Variants in GAD1 observed in about 807,000 individuals in gnomAD.
The protein encoded by GAD1 is 67 kDa glutamic acid decarboxylase.
In GAD1, 35 loss-of-function variants were observed where a neutral mutation model predicts 75.2. The ratio of observed to expected loss-of-function variants is 0.47; its 90% CI spans 0.36 to 0.62. GAD1 has a LOEUF of 0.62. GAD1 is among the 20% of genes least tolerant of loss of function. The pLI, the probability that GAD1 is intolerant of heterozygous loss-of-function variation, is 0.00. For missense variants in GAD1, 490 were observed against 758.5 expected, an observed-to-expected ratio of 0.65 and a Z score of 4.16; for synonymous variants, 257 against 271.9, an observed-to-expected ratio of 0.95 and a Z score of 0.54.
At chr2:170,819,648 TA>T (rs904396432) in intron 2 of GAD1, among the ~76,000 whole-genome samples, 12 of 151,376 alleles carry the variant, frequency 7.9e-5, no homozygotes, top group African/African-American at 2.7e-4. Flanking sequence ...CCCACCCCCC[TA>T]AAAAAACTTA....
At chr2:170,838,889 G>A (rs1477695226) in intron 6 of GAD1, among the ~76,000 whole-genome samples, 2 of 152,210 alleles carry the variant, frequency 1.3e-5, no homozygotes, top group African/African-American at 4.8e-5. Flanking sequence ...AAATATGACC[G>A]ATTCCAACAG....
At chr2:170,859,663 G>T in intron 16 of GAD1, 46 bp from the exon 17 acceptor site, 2 of 1,583,936 alleles carry the variant, frequency 1.3e-6, no homozygotes, top group South Asian at 2.2e-5. Flanking sequence ...AAAAGAGAGG[G>T]TGTTCATATC....
chr2:170,820,046 C>T (rs1321469109), intron 2 of GAD1, among the ~76,000 whole-genome samples: 1 of 152,192 alleles, frequency 6.6e-6, no homozygotes, highest in East Asian at 1.9e-4. Context: ...CAGGCACCGG[C>T]GTTGGAGCTG....
upstream of GAD1, among the ~76,000 whole-genome samples, chr2:170,814,026 G>T (rs191657021): frequency 9.2e-5 from 14 of 152,292 alleles, no homozygotes; most frequent in African/African-American, 3.4e-4. Context: ...CCTCATCACC[G>T]GTTCGAGTCC....
intron 10 of GAD1, among the ~76,000 whole-genome samples, chr2:170,846,333 A>G (rs753631760): frequency 6.2e-4 from 94 of 152,218 alleles, no homozygotes; most frequent in Non-Finnish European, 1.8e-4. Context: ...TCTTCAATAA[A>G]TCAAATCCCT....
At position 170,818,198 on chromosome 2, in the gene GAD1, C is replaced by A. The variant is rs1701762382; in HGVS notation, c.-63-331C>A. The A allele has an allele frequency of 2.9e-5, 8 of 279,256 alleles. No homozygotes were observed. In the South Asian group the frequency reaches 3.2e-4, roughly 11 times the overall value. 17.3% of individuals were successfully genotyped at this position (279,256 alleles called of 1,614,324 possible). On this transcript the variant is annotated intron_variant, in intron 1 of 16. Transcript: ENST00000358196. This position sits in a 1 kb window ranked among gnomAD's most constrained non-coding sequence, Gnocchi z 5.9. ...TGTGCTCCTAGCCTAGTCCCCCACA[C>A]CCTTGCGTCTTGTACTGGCCTTGGA... is the stretch of plus-strand genomic sequence containing the variant.
intron 2 of GAD1, among the ~76,000 whole-genome samples, chr2:170,820,117 A>G (rs1035482724): frequency 1.5e-4 from 22 of 150,336 alleles, no homozygotes; most frequent in African/African-American, 5.4e-4. Context: ...TTTCGCCTTG[A>G]TGGATTTCTT....
At chr2:170,844,179 C>G in intron 7 of GAD1, 22 bp downstream of exon 7, 1 of 1,276,514 alleles carries the variant, frequency 7.8e-7, no homozygotes, top group African/African-American at 1.5e-5. Flanking sequence ...TTCTCTTCCT[C>G]TTCTCAAGGT....
chr2:170,832,915 T>A (rs1407501495), intron 5 of GAD1, among the ~76,000 whole-genome samples: 3 of 152,334 alleles, frequency 2.0e-5, no homozygotes, highest in South Asian at 2.1e-4. Flanking sequence ...TAGAAACAGC[T>A]CAGACTGTGG....
rs776063994 is a variant in GAD1, at chr2:170,859,789, C to T, written c.1692C>T (p.Asn564=). ...VGYQPQGDKA[N]FFRMVISNPA... Reference sequence around the variant, plus strand: ...ACCAGCCCCAAGGGGACAAGGCCAACTTCTTCCGGATGGTCATCTCCAACC... The same window carrying T: ...ACCAGCCCCAAGGGGACAAGGCCAATTTCTTCCGGATGGTCATCTCCAACC... Residue 564 remains asparagine (N), a synonymous_variant, in exon 17 of 17, where the codon AAC becomes AAT. Transcript: ENST00000358196. The T allele has an allele frequency of 6.2e-7, 1 of 1,614,210 alleles. No individual in the cohort carries two copies. Among genetic ancestry groups the T allele is most frequent in the South Asian group, 1.1e-5 (1 of 91,082 alleles).
Position 170,853,663 on chromosome 2 carries a change from T to C in GAD1, c.1264-210T>C. On this transcript the variant is annotated intron_variant, in intron 13 of 16. Transcript: ENST00000358196. This position sits in a 1 kb window ranked among gnomAD's most constrained non-coding sequence, Gnocchi z 4.1. ...GGCATCTGAGACGGAAAGATCATCT[T>C]CTAATCAGAGAGTCAGAGACAAAAG... 1.8e-6 allele frequency: 1 copy of C among 562,554 alleles called. No homozygotes were observed. Among genetic ancestry groups the C allele is most frequent in the South Asian group, 1.9e-5 (1 of 52,108 alleles). The allele number at this position is 562,554 out of a possible 1,614,324, so 34.8% of individuals were successfully genotyped here. A position where few individuals can be genotyped will look rare whatever the true frequency, so the allele number is the denominator to read the frequency against.
chr2:170,829,665 G>A, intron 4 of GAD1, 32 bp downstream of exon 4: 1 of 1,606,402 alleles, frequency 6.2e-7, no homozygotes, highest in South Asian at 1.1e-5. Context: ...CCCCATGCTA[G>A]CCAGTAGATT....
intron 3 of GAD1, among the ~76,000 whole-genome samples, chr2:170,827,703 A>G (rs1032569705): frequency 6.5e-4 from 99 of 152,286 alleles, no homozygotes; most frequent in Non-Finnish European, 1.2e-4. Flanking sequence ...GTTTTATTCC[A>G]GCATTTGTCA....
intron 15 of GAD1, among the ~76,000 whole-genome samples, chr2:170,858,435 T>C (rs962255663): frequency 6.6e-6 from 1 of 152,230 alleles, no homozygotes; most frequent in African/African-American, 2.4e-5. Context: ...CAATAAAATA[T>C]TCATCAGCAT....
chr2:170,818,759 G>A lies in GAD1; in HGVS notation c.82+86G>A. Reference sequence around the variant, plus strand: ...TCGGGAGGCTGAGCTGGCGGAAAGGGAAGGGGGAGCGCGGAGATAATGGAG... The same window carrying A: ...TCGGGAGGCTGAGCTGGCGGAAAGGAAAGGGGGAGCGCGGAGATAATGGAG... On this transcript the variant is annotated intron_variant, in intron 2 of 16. Transcript: ENST00000358196. This position sits in a 1 kb window ranked among gnomAD's most constrained non-coding sequence, Gnocchi z 5.9. The A allele has an allele frequency of 7.8e-7, 1 of 1,286,138 alleles. No individual in the cohort carries two copies. The highest frequency in any genetic ancestry group is 1.1e-6 in the Non-Finnish European group (1 of 881,448). The allele number at this position is 1,286,138 out of a possible 1,614,324, so 79.7% of individuals were successfully genotyped here. A position where few individuals can be genotyped will look rare whatever the true frequency, so the allele number is the denominator to read the frequency against.
At chr2:170,840,262 CTG>C (rs1388147696) in intron 6 of GAD1, among the ~76,000 whole-genome samples, 2 of 152,208 alleles carry the variant, frequency 1.3e-5, no homozygotes, top group Non-Finnish European at 1.5e-5. Context: ...CGCACAGTCA[CTG>C]TTGCTATTTG....
At chr2:170,823,767 G>A (rs1045480428) in intron 3 of GAD1, among the ~76,000 whole-genome samples, 5 of 151,576 alleles carry the variant, frequency 3.3e-5, no homozygotes, top group Non-Finnish European at 7.4e-5. Context: ...GCAGCCAGCC[G>A]GGCAGGCAGA....
Position 170,844,111 on chromosome 2 carries a change from G to A in GAD1, c.705G>A (p.Glu235=), listed in dbSNP as rs778876826. The change falls in exon 7 of 17, where the codon GAG becomes GAA. Residue 235 remains glutamate (E), a synonymous_variant. Coordinates refer to ENST00000358196, the MANE Select transcript of GAD1 (RefSeq NM_000817.3). ...AAATAACACTTAAGAAGATGAGAGAGATAGTTGGATGGTCAAGTAAAGATG... is the reference window on the plus strand; with the variant it reads ...AAATAACACTTAAGAAGATGAGAGAAATAGTTGGATGGTCAAGTAAAGATG... ...MEQITLKKMR[E]IVGWSSKDGD... is the part of the protein sequence containing the mutation. 5.0e-6 allele frequency: 8 copies of A among 1,610,930 alleles called. No individual in the cohort carries two copies. In the South Asian group the frequency reaches 6.6e-5, roughly 13 times the overall value.
chr2:170,855,463 C>T (rs1038951513), intron 14 of GAD1, among the ~76,000 whole-genome samples: 3 of 151,862 alleles, frequency 2.0e-5, no homozygotes, highest in African/African-American at 7.2e-5. Context: ...CCACCTTGGC[C>T]TCCCAAAGTG....
Sources: allele counts gnomAD v4.1 joint callset (sites outside exome capture counted in the v4.1 genomes callset), GRCh38; gene constraint gnomAD v4.1.1; non-coding constraint Gnocchi (gnomAD v3.1); transcripts MANE v1.5; gene names NCBI Gene and HGNC (gene_info 2026-07-23, HGNC 2026-07-21).